Variants in NFE2L3 observed in about 807,000 individuals in gnomAD.
The protein encoded by NFE2L3 is nuclear factor erythroid 2-related factor 3.
Under a neutral mutation model 23.5 loss-of-function variants are expected in NFE2L3, and 18 were observed. The ratio of observed to expected loss-of-function variants is 0.77; its 90% CI spans 0.53 to 1.13. The LOEUF is 1.13. Among genes scored for constraint, NFE2L3 ranks in the 50% most tolerant of loss-of-function variants. The probability of loss-of-function intolerance (pLI) is 0.00; values close to 1 mark genes in which losing one functional copy is unlikely to be tolerated. For missense variants in NFE2L3, 1,152 were observed against 877.2 expected (o/e 1.31, Z -3.96); for synonymous variants, 424 against 354.5 (o/e 1.20, Z -2.20).
chr7:26,168,135 C>T (rs11767587), intron 1 of NFE2L3, among the ~76,000 whole-genome samples: 4 of 147,640 alleles, frequency 2.7e-5, no homozygotes, highest in East Asian at 2.1e-4. Context: ...TCATTCTTGT[C>T]TTTTTTTTTC....
rs556654251 is a variant in NFE2L3 at position 26,160,898 on chromosome 7, A to T, written c.570+7830A>T. On this transcript the variant is annotated intron_variant, in intron 1 of 3. Transcript: ENST00000056233. Reference sequence around the variant, plus strand: ...CCATGATTTCCAAATTGGTAAATGGAGAAAATTAACATCTTTCTTGAAGAG... The same window carrying T: ...CCATGATTTCCAAATTGGTAAATGGTGAAAATTAACATCTTTCTTGAAGAG... 2.0e-5 allele frequency among the ~76,000 whole-genome samples: 3 copies of T among 152,364 alleles called. No individual in the cohort carries two copies. In the East Asian group the frequency reaches 5.8e-4, roughly 29 times the overall value.
At chr7:26,169,160 A>G (rs1784298112) in intron 1 of NFE2L3, among the ~76,000 whole-genome samples, 2 of 151,882 alleles carry the variant, frequency 1.3e-5, no homozygotes, top group Non-Finnish European at 2.9e-5. Flanking sequence ...TAAATCCTCC[A>G]CTCCTCCCTG....
At chr7:26,177,462 C>A (rs552344723) in intron 1 of NFE2L3, among the ~76,000 whole-genome samples, 3 of 152,062 alleles carry the variant, frequency 2.0e-5, no homozygotes, top group African/African-American at 7.2e-5. Flanking sequence ...TCAGGCATGG[C>A]GGCGCGTCCC....
chr7:26,183,680 A>G lies in NFE2L3; in HGVS notation c.751-21A>G, dbSNP rs868371228. On this transcript the variant is annotated intron_variant, in intron 2 of 3. Coordinates refer to ENST00000056233, the MANE Select transcript of NFE2L3 (RefSeq NM_004289.7). ...GTTCAGTCTTTTATGTGAAAGATGCACTTTTTGTGTTTCTCTACAGAGACA... is the reference window on the plus strand; with the variant it reads ...GTTCAGTCTTTTATGTGAAAGATGCGCTTTTTGTGTTTCTCTACAGAGACA... 4.0e-6 allele frequency: 6 copies of G among 1,508,362 alleles called. No individual in the cohort carries two copies. In the African/African-American group the frequency reaches 4.1e-5, roughly 10 times the overall value. The allele number at this position is 1,508,362 out of a possible 1,614,324, so 93.4% of individuals were successfully genotyped here.
chr7:26,153,002 G>C lies in NFE2L3; in HGVS notation c.504G>C (p.Gly168=). 3.9e-6 allele frequency: 6 copies of C among 1,522,498 alleles called. No homozygotes were observed. The highest frequency in any genetic ancestry group is 5.3e-6 in the Non-Finnish European group (6 of 1,140,050). 94.3% of individuals were successfully genotyped at this position (1,522,498 alleles called of 1,614,324 possible). Residue 168 remains glycine, a synonymous_variant, in exon 1 of 4, where the codon GGG becomes GGC. Transcript: ENST00000056233. ...CTCGGAGTGGCCCCTTGGACGCCGG[G>C]GAAGAGGAGAAGGCACCCGCGGAAC... The part of the protein sequence containing the change: ...RAARSGPLDA[G]EEEKAPAEPT...
chr7:26,164,933 G>A (rs1202717711), intron 1 of NFE2L3, among the ~76,000 whole-genome samples: 2 of 152,024 alleles, frequency 1.3e-5, no homozygotes, highest in Non-Finnish European at 2.9e-5. Context: ...CCCATTTCTT[G>A]TTTTTGTCAA....
intron 1 of NFE2L3, among the ~76,000 whole-genome samples, chr7:26,155,099 T>C (rs1159363760): frequency 6.6e-6 from 1 of 152,200 alleles, no homozygotes; most frequent in Non-Finnish European, 1.5e-5. Context: ...GCCTTTTACA[T>C]CAACCTTGTG....
Position 26,152,389 on chromosome 7 carries a change from G to A in NFE2L3, c.-110G>A. ...CCCCGGTCCATTGTTTCGCTTATCT[G>A]GGTTCCAGGCAGGTGCGGGCGGCGC... On this transcript the variant is annotated 5_prime_UTR_variant, in exon 1 of 4. Transcript: ENST00000056233. The surrounding 1 kb of genome is among the most constrained non-coding windows in gnomAD (Gnocchi z 4.4). The A allele has an allele frequency of 1.4e-6, 1 of 739,690 alleles. No homozygotes were observed. Among genetic ancestry groups the A allele is most frequent in the Admixed American group, 4.8e-5 (1 of 20,740 alleles). 45.8% of individuals were successfully genotyped at this position (739,690 alleles called of 1,614,324 possible).
chr7:26,160,388 C>T (rs184260074), intron 1 of NFE2L3, among the ~76,000 whole-genome samples: 223 of 152,210 alleles, frequency 1.5e-3, no homozygotes, highest in East Asian at 4.1e-3. Flanking sequence ...AGAGGCAAGA[C>T]GTGATCTTTT....
At position 26,184,992 on chromosome 7, in the gene NFE2L3, G is replaced by C. The variant is rs553810189; in HGVS notation, c.1294G>C (p.Val432Leu). 1 of 1,613,816 alleles carries C rather than the reference G, an allele frequency of 6.2e-7. No individual in the cohort carries two copies. The highest frequency in any genetic ancestry group is 1.7e-5 in the Admixed American group (1 of 60,014). Residue 432 changes from valine (V) to leucine (L), a missense_variant, in exon 4 of 4, where the codon GTC (valine) becomes CTC (leucine). By Grantham distance (32) the Val-to-Leu change is conservative. Coordinates refer to ENST00000056233, the MANE Select transcript of NFE2L3 (RefSeq NM_004289.7). ...SLDSSHNNTS[V>L]IKSNSSHSVC... ...AGATTCAAGTCACAATAATACCTCT[G>C]TCATCAAGTCTAATTCCTCTCACTC...
chr7:26,173,026 T>C (rs571094795), intron 1 of NFE2L3, among the ~76,000 whole-genome samples: 28 of 152,294 alleles, frequency 1.8e-4, no homozygotes, highest in Admixed American at 1.3e-3. Flanking sequence ...AAGAAAGATT[T>C]CCTTTTTCCT....
intron 1 of NFE2L3, among the ~76,000 whole-genome samples, chr7:26,162,952 T>C (rs1784195419): frequency 6.6e-6 from 1 of 152,146 alleles, no homozygotes; most frequent in Non-Finnish European, 1.5e-5. Context: ...GCTCAAATGA[T>C]CCACCTGCCT....
In NFE2L3 at chr7:26,185,242, C is replaced by A; in HGVS notation, c.1544C>A (p.Pro515Gln). Residue 515 changes from proline (P) to glutamine (Q), a missense_variant, in exon 4 of 4, where the codon CCG (proline) becomes CAG (glutamine). By Grantham distance (76) the Pro-to-Gln change is moderately conservative. Coordinates refer to ENST00000056233, the MANE Select transcript of NFE2L3 (RefSeq NM_004289.7). Reference protein sequence around the residue: ...TAPESTSEPFPWPGKSQKIRS... With the variant: ...TAPESTSEPFQWPGKSQKIRS... ...CCAGAATCTACTTCTGAACCTTTTCCGTGGCCTGGGAAGTCACAGAAGATA... is the reference window on the plus strand; with the variant it reads ...CCAGAATCTACTTCTGAACCTTTTCAGTGGCCTGGGAAGTCACAGAAGATA... The A allele has an allele frequency of 6.2e-7, 1 of 1,614,018 alleles. No individual in the cohort carries two copies. The highest frequency in any genetic ancestry group is 8.5e-7 in the Non-Finnish European group (1 of 1,179,932).
chr7:26,177,856 T>C, intron 1 of NFE2L3, 87 bp from the exon 2 acceptor site: 2 of 1,134,170 alleles, frequency 1.8e-6, no homozygotes, highest in Non-Finnish European at 2.6e-6. Flanking sequence ...AGCTTTTGAC[T>C]TGTGGGTTTT....
rs150174597 is a variant in NFE2L3, at chr7:26,182,449, C to T, written c.751-1252C>T. ...GACAAGCCTGGCCAACATGGCAAAA[C>T]GCCAGCTCTACTAAAAATATAAAAA... On this transcript the variant is annotated intron_variant, in intron 2 of 3. Coordinates refer to ENST00000056233, the MANE Select transcript of NFE2L3 (RefSeq NM_004289.7). 1.3e-3 allele frequency among the ~76,000 whole-genome samples: 181 copies of T among 144,432 alleles called. No homozygotes were observed. The East Asian group carries it at 0.015, about 12-fold the overall frequency. 94.8% of individuals were successfully genotyped at this position (144,432 alleles called of 152,430 possible).
chr7:26,179,365 T>C (rs1784467001), intron 2 of NFE2L3, among the ~76,000 whole-genome samples: 1 of 151,886 alleles, frequency 6.6e-6, no homozygotes, highest in Non-Finnish European at 1.5e-5. Flanking sequence ...GTTGGTGTGG[T>C]GATGTGTTCC....
rs1288311096 is a variant in NFE2L3 at position 26,183,655 on chromosome 7, G to C, written c.751-46G>C. ...AAGATAAAGCCTAAAGCCCCAACCA[G>C]TTCAGTCTTTTATGTGAAAGATGCA... On this transcript the variant is annotated intron_variant, in intron 2 of 3. Transcript: ENST00000056233. The C allele has an allele frequency of 2.5e-6, 3 of 1,212,470 alleles. No individual in the cohort carries two copies. In the South Asian group the frequency reaches 3.6e-5, roughly 15 times the overall value. The allele number at this position is 1,212,470 out of a possible 1,614,324, so 75.1% of individuals were successfully genotyped here.
chr7:26,184,003 TGGA>T (rs1741405716), intron 3 of NFE2L3: 2 of 517,772 alleles, frequency 3.9e-6, no homozygotes, highest in South Asian at 2.9e-5. Flanking sequence ...GAAAACAGCG[TGGA>T]GATTTCTCAA....
chr7:26,174,696 A>G (rs1784372566), intron 1 of NFE2L3: 1 of 152,220 alleles, frequency 6.6e-6, no homozygotes, highest in African/African-American at 2.4e-5. Context: ...TTCTTCTGGC[A>G]TCTGTAAATT....
Sources: gnomAD v4.1 joint callset for allele counts (sites outside exome capture counted in the v4.1 genomes callset) on GRCh38, gnomAD v4.1.1 for gene constraint, Gnocchi (gnomAD v3.1) non-coding constraint, MANE v1.5 for transcripts, NCBI Gene and HGNC (gene_info 2026-07-23, HGNC 2026-07-21) for gene names.